The following ARHGAP5 variants were observed in gnomAD, a reference collection of about 807,000 sequenced individuals.
ARHGAP5 encodes the protein rho GTPase-activating protein 5.
A neutral mutation model predicts 116.6 loss-of-function variants in ARHGAP5; 23 were observed. The ratio of observed to expected loss-of-function variants is 0.20; its 90% CI spans 0.14 to 0.28. The LOEUF (loss-of-function observed/expected upper bound fraction) is 0.28, where lower values mean the gene tolerates loss of function less well. ARHGAP5 is among the 10% of genes least tolerant of loss of function. The pLI, the probability that ARHGAP5 is intolerant of heterozygous loss-of-function variation, is 1.00. For synonymous variants in ARHGAP5, 574 were observed against 602.0 expected, an observed-to-expected ratio of 0.95 and a Z score of 0.68; for missense variants, 1,405 against 1,774.8, an observed-to-expected ratio of 0.79 and a Z score of 3.74.
intron 3 of ARHGAP5, among the ~76,000 whole-genome samples, chr14:32,138,771 G>A (rs984684057): frequency 7.2e-5 from 11 of 152,140 alleles, no homozygotes; most frequent in Non-Finnish European, 1.3e-4. Context: ...TTTTGTTCTT[G>A]ATCTTAGGGG....
At chr14:32,097,433 A>G (rs118124218) in intron 2 of ARHGAP5, among the ~76,000 whole-genome samples, 161 of 152,330 alleles carry the variant, frequency 1.1e-3, no homozygotes, top group Non-Finnish European at 1.9e-3. Flanking sequence ...AAATTTAACA[A>G]TTCTTGGGAA....
At chr14:32,126,372 T>C (rs1880153974) in intron 3 of ARHGAP5, among the ~76,000 whole-genome samples, 1 of 152,198 alleles carries the variant, frequency 6.6e-6, no homozygotes, top group South Asian at 2.1e-4. Context: ...TGGCTGTCAA[T>C]CCCTGGTGTT....
intron 2 of ARHGAP5, among the ~76,000 whole-genome samples, chr14:32,115,273 A>G (rs1879495857): frequency 6.6e-6 from 1 of 152,202 alleles, no homozygotes; most frequent in Admixed American, 6.5e-5. Flanking sequence ...CTCTAATGCT[A>G]CATTGAAGTT....
intron 3 of ARHGAP5, among the ~76,000 whole-genome samples, chr14:32,119,026 A>G (rs1879746914): frequency 6.6e-6 from 1 of 152,172 alleles, no homozygotes; most frequent in Admixed American, 6.5e-5. Flanking sequence ...GGCGATTTAT[A>G]TATTTAAGTG....
chr14:32,153,983 T>G (rs993257619), intron 6 of ARHGAP5: 4 of 152,100 alleles, frequency 2.6e-5, no homozygotes, highest in Admixed American at 1.3e-4. Context: ...GATATTAGTG[T>G]CAAACACCTA....
At chr14:32,086,327 CAGTACTCG>C (rs2041829117) in intron 1 of ARHGAP5, among the ~76,000 whole-genome samples, 2 of 152,032 alleles carry the variant, frequency 1.3e-5, no homozygotes, top group South Asian at 4.1e-4. Context: ...TTATTTTTAG[CAGTACTCG>C]AGAGTTTTAA....
chr14:32,095,171 TAAGTCCATA>T (rs1878457107), intron 2 of ARHGAP5, among the ~76,000 whole-genome samples: 1 of 152,206 alleles, frequency 6.6e-6, no homozygotes, highest in Non-Finnish European at 1.5e-5. Flanking sequence ...CTTCATAGGT[TAAGTCCATA>T]ATCTTGTAAA....
At chr14:32,094,431 GTTA>G (rs771566041) in intron 2 of ARHGAP5, 45 bp downstream of exon 2, 245 of 1,427,042 alleles carry the variant, frequency 1.7e-4, no homozygotes, top group Non-Finnish European at 2.2e-4. Context: ...AATGCTTGTT[GTTA>G]CTTTTTTAAA....
At chr14:32,107,141 A>G (rs1308539602) in intron 2 of ARHGAP5, among the ~76,000 whole-genome samples, 1 of 152,198 alleles carries the variant, frequency 6.6e-6, no homozygotes, top group Non-Finnish European at 1.5e-5. Context: ...GATTTTTAAT[A>G]TCCTTTACAG....
chr14:32,115,263 C>G lies in ARHGAP5; in HGVS notation c.3718-1877C>G, dbSNP rs541439131. Among the ~76,000 whole-genome samples, 10 of 152,294 alleles carry G rather than the reference C, an allele frequency of 6.6e-5. No individual in the cohort carries two copies. In the East Asian group the frequency reaches 1.9e-3, roughly 29 times the overall value. ...ATTCTTTGGCTAAGAATCATTTTCC[C>G]TCTAATGCTACATTGAAGTTAAACT... On this transcript the variant is annotated intron_variant, in intron 2 of 6. Coordinates refer to ENST00000345122, the MANE Select transcript of ARHGAP5 (RefSeq NM_001030055.2).
At chr14:32,110,429 G>C (rs1383253205) in intron 2 of ARHGAP5, among the ~76,000 whole-genome samples, 1 of 151,888 alleles carries the variant, frequency 6.6e-6, no homozygotes, top group East Asian at 1.9e-4. Flanking sequence ...CAAGTAGCTG[G>C]GATTGGATTA....
rs1878248552 is a variant in ARHGAP5, at chr14:32,091,575, T to C, written c.906T>C (p.Asp302=). The change falls in exon 2 of 7, where the codon GAT becomes GAC. Residue 302 remains aspartate, a synonymous_variant. Transcript: ENST00000345122. ...TVSNKLKNHP[D]YEEYINLEGT... ...GTAATAAATTAAAAAATCATCCTGA[T>C]TATGAAGAATACATCAACTTAGAGG... 1.2e-6 allele frequency: 2 copies of C among 1,612,354 alleles called. No homozygotes were observed. Among genetic ancestry groups the C allele is most frequent in the African/African-American group, 2.7e-5 (2 of 74,880 alleles).
chr14:32,120,331 T>C (rs1879820856), intron 3 of ARHGAP5, among the ~76,000 whole-genome samples: 1 of 152,128 alleles, frequency 6.6e-6, no homozygotes, highest in African/African-American at 2.4e-5. Flanking sequence ...TTGAGGTTTA[T>C]CAATTTTATT....
chr14:32,077,457 T>C (rs1445472812), intron 1 of ARHGAP5, 22 bp downstream of exon 1: 1 of 696,296 alleles, frequency 1.4e-6, no homozygotes, highest in African/African-American at 1.8e-5. Context: ...CGGACCCCGC[T>C]CCTCCAAGCC....
intron 3 of ARHGAP5, among the ~76,000 whole-genome samples, chr14:32,144,620 A>G (rs1469676270): frequency 6.6e-6 from 1 of 151,998 alleles, no homozygotes; most frequent in Non-Finnish European, 1.5e-5. Flanking sequence ...AGTAACTGAG[A>G]TTACAAGCGC....
At chr14:32,116,681 G>T (rs1249844619) in intron 2 of ARHGAP5, among the ~76,000 whole-genome samples, 1 of 152,126 alleles carries the variant, frequency 6.6e-6, no homozygotes, top group East Asian at 1.9e-4. Context: ...GGAACTAACG[G>T]TTCATGGAGT....
chr14:32,132,190 G>C lies in ARHGAP5; in HGVS notation c.3866-14073G>C, dbSNP rs975249903. Among the ~76,000 whole-genome samples, 441 of 152,180 alleles carry C rather than the reference G, an allele frequency of 2.9e-3. 4 individuals are homozygous for C. Among genetic ancestry groups the C allele is most frequent in the African/African-American group, 9.8e-3 (407 of 41,530 alleles). On this transcript the variant is annotated intron_variant, in intron 3 of 6. Transcript: ENST00000345122. Reference sequence around the variant, plus strand: ...CTTCCACAATGGTTGAACCAGTTTAGAGTCCCACCAACAGTGTAAAAGTGT... The same window carrying C: ...CTTCCACAATGGTTGAACCAGTTTACAGTCCCACCAACAGTGTAAAAGTGT...
intron 2 of ARHGAP5, among the ~76,000 whole-genome samples, chr14:32,107,311 G>A (rs962541142): frequency 2.0e-5 from 3 of 152,150 alleles, no homozygotes; most frequent in African/African-American, 7.2e-5. Context: ...TCCTGATTAG[G>A]TTAGGATGCT....
rs1342796232 is a variant in ARHGAP5, at chr14:32,156,756, C to CT, written c.*1811dup. Reference sequence around the variant, plus strand: ...GGCATGTCTGGCAAAGAAAATTAAACTTTAAGAGTTTTATAAACTGTTTCT... The same window carrying CT: ...GGCATGTCTGGCAAAGAAAATTAAACTTTTAAGAGTTTTATAAACTGTTTCT... On this transcript the variant is annotated 3_prime_UTR_variant, in exon 7 of 7. Coordinates refer to ENST00000345122, the MANE Select transcript of ARHGAP5 (RefSeq NM_001030055.2). The CT allele has an allele frequency of 6.6e-6, 1 of 152,194 alleles. No individual in the cohort carries two copies. The highest frequency in any genetic ancestry group is 1.5e-5 in the Non-Finnish European group (1 of 67,794). The allele number at this position is 152,194 out of a possible 1,614,324, so 9.4% of individuals were successfully genotyped here. A position where few individuals can be genotyped will look rare whatever the true frequency, so the allele number is the denominator to read the frequency against.
Sources: gnomAD v4.1 joint callset for allele counts (sites outside exome capture counted in the v4.1 genomes callset) on GRCh38, gnomAD v4.1.1 for gene constraint, MANE v1.5 for transcripts, NCBI Gene and HGNC (gene_info 2026-07-23, HGNC 2026-07-21) for gene names.